The following CNTNAP2 variants were observed in gnomAD, a reference collection of about 807,000 sequenced individuals.
CNTNAP2 encodes contactin-associated protein-like 2.
A neutral mutation model predicts 155.2 loss-of-function variants in CNTNAP2; 98 were observed. The ratio of observed to expected loss-of-function variants is 0.63; its 90% CI spans 0.54 to 0.75. The LOEUF (loss-of-function observed/expected upper bound fraction) is 0.75, where lower values mean the gene tolerates loss of function less well. Among genes scored for constraint, CNTNAP2 ranks in the 30% least tolerant of loss-of-function variants. CNTNAP2 has a pLI of 0.00. For missense variants in CNTNAP2, 1,727 were observed against 1,688.1 expected, an observed-to-expected ratio of 1.02 and a Z score of -0.40; for synonymous variants, 651 against 631.2, an observed-to-expected ratio of 1.03 and a Z score of -0.47.
chr7:147,715,681 C>CT (rs199703106), intron 13 of CNTNAP2, among the ~76,000 whole-genome samples: 2,493 of 151,398 alleles, frequency 0.016, 220 homozygotes, highest in Admixed American at 0.15. Context: ...TTACAGAATA[C>CT]TTTTTTTTTA....
intron 1 of CNTNAP2, among the ~76,000 whole-genome samples, chr7:146,446,371 T>C (rs1796402372): frequency 6.6e-6 from 1 of 150,978 alleles, no homozygotes; most frequent in African/African-American, 2.5e-5. Flanking sequence ...TAGAGAAATC[T>C]TCTACACATT....
intron 13 of CNTNAP2, among the ~76,000 whole-genome samples, chr7:147,808,137 T>A (rs770047336): frequency 5.3e-4 from 81 of 152,288 alleles, no homozygotes; most frequent in Admixed American, 2.7e-3. Flanking sequence ...ACTATATATA[T>A]GAAGTCCCAT....
intron 1 of CNTNAP2, among the ~76,000 whole-genome samples, chr7:146,416,640 G>T (rs1795942064): frequency 6.6e-6 from 1 of 152,058 alleles, no homozygotes; most frequent in Non-Finnish European, 1.5e-5. Flanking sequence ...TCCATTTAAA[G>T]CCATAAAATC....
intron 12 of CNTNAP2, among the ~76,000 whole-genome samples, chr7:147,625,732 G>A (rs1246287923): frequency 2.0e-5 from 3 of 152,138 alleles, no homozygotes; most frequent in African/African-American, 7.2e-5. Flanking sequence ...AACCAACAAA[G>A]GAACATACCA....
intron 8 of CNTNAP2, among the ~76,000 whole-genome samples, chr7:147,197,419 C>T (rs73156431): frequency 0.025 from 3,283 of 129,666 alleles, 48 homozygotes; most frequent in South Asian, 0.048. Context: ...CTGTGTGTTT[C>T]GTCCAGCTCT....
chr7:147,948,929 C>T (rs934907081), intron 14 of CNTNAP2, among the ~76,000 whole-genome samples: 2 of 152,082 alleles, frequency 1.3e-5, no homozygotes, highest in South Asian at 4.1e-4. Flanking sequence ...TGGCCAAGCA[C>T]GGTGGCCCAC....
intron 1 of CNTNAP2, among the ~76,000 whole-genome samples, chr7:146,711,768 TA>T (rs1260744152): frequency 3.6e-4 from 51 of 140,790 alleles, no homozygotes; most frequent in African/African-American, 1.2e-3. Context: ...TATACATATA[TA>T]GTATACACAT....
rs778139718 is a variant in CNTNAP2, at chr7:146,647,779, ATC to A, written c.98-126488_98-126487del. Among the ~76,000 whole-genome samples, 151 of 152,188 alleles carry A rather than the reference ATC, an allele frequency of 9.9e-4. 4 individuals are homozygous for A. The highest frequency in any genetic ancestry group is 3.2e-4 in the Non-Finnish European group (22 of 68,034). ...ATCATTCTCTCCTGTCAGCTTTCAT[ATC>A]TCTTTACCTATTCTTTTGATTAGAG... On this transcript the variant is annotated intron_variant, in intron 1 of 23. Transcript: ENST00000361727.
chr7:147,522,646 C>G (rs1799247603), intron 11 of CNTNAP2, among the ~76,000 whole-genome samples: 1 of 151,690 alleles, frequency 6.6e-6, no homozygotes, highest in Admixed American at 6.6e-5. Context: ...TCCAGTTTTA[C>G]AAATTTGCCA....
intron 1 of CNTNAP2, among the ~76,000 whole-genome samples, chr7:146,236,885 G>A (rs557976290): frequency 6.6e-6 from 1 of 152,180 alleles, no homozygotes; most frequent in Non-Finnish European, 1.5e-5. Context: ...GGAGTTCTGA[G>A]TTACCTTGCT....
At chr7:148,181,103 A>G (rs917883452) in intron 18 of CNTNAP2, among the ~76,000 whole-genome samples, 6 of 152,160 alleles carry the variant, frequency 3.9e-5, no homozygotes, top group African/African-American at 1.4e-4. Flanking sequence ...TTGGGCTAAG[A>G]GTTACACCAT....
At chr7:147,808,903 C>T (rs1798135441) in intron 13 of CNTNAP2, among the ~76,000 whole-genome samples, 1 of 152,268 alleles carries the variant, frequency 6.6e-6, no homozygotes, top group East Asian at 1.9e-4. Context: ...CAAAGGCAGG[C>T]AGTAGGATAT....
chr7:146,202,345 C>A (rs1006594099), intron 1 of CNTNAP2, among the ~76,000 whole-genome samples: 3 of 152,130 alleles, frequency 2.0e-5, no homozygotes. Flanking sequence ...AAAATTAAAT[C>A]TCCTCTTAAG....
chr7:147,464,465 TAAAAAAAAA>T (rs71183005), intron 10 of CNTNAP2, among the ~76,000 whole-genome samples: 4 of 65,968 alleles, frequency 6.1e-5, no homozygotes, highest in Non-Finnish European at 1.1e-4. Context: ...AGACTCCATC[TAAAAAAAAA>T]AAAAAAAAAA....
intron 1 of CNTNAP2, among the ~76,000 whole-genome samples, chr7:146,152,353 G>C (rs1251555109): frequency 6.6e-6 from 1 of 152,074 alleles, no homozygotes; most frequent in Non-Finnish European, 1.5e-5. Context: ...TGTGTTTACA[G>C]GCGAGGGATG....
chr7:146,288,678 A>G (rs1366697173), intron 1 of CNTNAP2, among the ~76,000 whole-genome samples: 1 of 152,048 alleles, frequency 6.6e-6, no homozygotes. Flanking sequence ...AATAGGCTAA[A>G]TGTTTAAAAT....
chr7:146,470,583 T>C (rs1563096447), intron 1 of CNTNAP2, among the ~76,000 whole-genome samples: 2 of 152,128 alleles, frequency 1.3e-5, no homozygotes, highest in Non-Finnish European at 1.5e-5. Flanking sequence ...TTTTGTTTCA[T>C]TTGTTGAGAC....
intron 4 of CNTNAP2, among the ~76,000 whole-genome samples, chr7:147,062,016 T>A (rs1180088325): frequency 1.3e-5 from 2 of 151,148 alleles, no homozygotes; most frequent in Admixed American, 1.3e-4. Context: ...TAGTCCCAGC[T>A]ACTCAGGAGG....
intron 15 of CNTNAP2, among the ~76,000 whole-genome samples, chr7:148,078,831 T>C (rs1023207168): frequency 1.3e-5 from 2 of 152,232 alleles, no homozygotes; most frequent in African/African-American, 4.8e-5. Flanking sequence ...AAGAAAAAAT[T>C]ACATATTTTT....
Sources: allele counts gnomAD v4.1 joint callset (sites outside exome capture counted in the v4.1 genomes callset), GRCh38; gene constraint gnomAD v4.1.1; transcripts MANE v1.5; gene names NCBI Gene and HGNC (gene_info 2026-07-23, HGNC 2026-07-21).